MBNL1: variants seen among roughly 807,000 people sequenced by gnomAD.
MBNL1 encodes muscleblind like splicing regulator 1.
A neutral mutation model predicts 42.2 loss-of-function variants in MBNL1; 8 were observed. The ratio of observed to expected loss-of-function variants is 0.19; its 90% CI spans 0.11 to 0.34. The LOEUF (loss-of-function observed/expected upper bound fraction) is 0.34, where lower values mean the gene tolerates loss of function less well. Ranked by LOEUF, MBNL1 falls within the 10% of genes least tolerant of loss-of-function variation. The pLI is 1.00. For missense variants in MBNL1, 309 were observed against 495.3 expected, an observed-to-expected ratio of 0.62 and a Z score of 3.57; for synonymous variants, 169 against 173.9, an observed-to-expected ratio of 0.97 and a Z score of 0.22.
chr3:152,262,711 T>G (rs2036506290), intron 2 of MBNL1: 1 of 152,248 alleles, frequency 6.6e-6, no homozygotes, highest in South Asian at 2.1e-4. Context: ...ACATTTATAT[T>G]AAAAGCCCTA....
At chr3:152,419,579 C>T (rs539790247) in intron 3 of MBNL1, among the ~76,000 whole-genome samples, 2 of 152,290 alleles carry the variant, frequency 1.3e-5, no homozygotes, top group Admixed American at 6.5e-5. Context: ...CTTCGCAAAC[C>T]GCAGACTAGG....
chr3:152,352,709 A>G (rs1246911471), intron 2 of MBNL1, among the ~76,000 whole-genome samples: 3 of 152,158 alleles, frequency 2.0e-5, no homozygotes, highest in African/African-American at 7.2e-5. Context: ...GCTGTGGGAA[A>G]TGTCTCCGTT....
chr3:152,433,076 G>A (rs942735502), intron 4 of MBNL1, among the ~76,000 whole-genome samples, 156 bp downstream of exon 4: 1 of 152,122 alleles, frequency 6.6e-6, no homozygotes, highest in Non-Finnish European at 1.5e-5. Flanking sequence ...TATAGATAAT[G>A]CTGTATTTGA....
chr3:152,346,881 TA>T (rs35680881), intron 2 of MBNL1, among the ~76,000 whole-genome samples: 33,269 of 141,712 alleles, frequency 0.23, 4,744 homozygotes, highest in African/African-American at 0.43. Context: ...TCACTTTAAT[TA>T]AAAAAAAAAA....
intron 4 of MBNL1, among the ~76,000 whole-genome samples, chr3:152,436,843 A>G (rs2099084671): frequency 6.6e-6 from 1 of 152,186 alleles, no homozygotes; most frequent in Non-Finnish European, 1.5e-5. Context: ...AACTGCATCA[A>G]CTGTCATTTC....
intron 2 of MBNL1, among the ~76,000 whole-genome samples, chr3:152,257,633 A>G (rs2035639707): frequency 6.6e-6 from 1 of 152,194 alleles, no homozygotes; most frequent in African/African-American, 2.4e-5. Context: ...TAAAATTCTG[A>G]GTGTGTTTGT....
At chr3:152,335,981 C>T (rs2089765928) in intron 2 of MBNL1, among the ~76,000 whole-genome samples, 1 of 152,106 alleles carries the variant, frequency 6.6e-6, no homozygotes, top group African/African-American at 2.4e-5. Context: ...CCACATGTGG[C>T]ACTACCGGAC....
chr3:152,378,783 C>T (rs894461054), intron 2 of MBNL1, among the ~76,000 whole-genome samples: 2 of 152,186 alleles, frequency 1.3e-5, no homozygotes, highest in African/African-American at 4.8e-5. Context: ...ATGGTGCAAT[C>T]ATGGCTCACC....
At chr3:152,350,905 A>G (rs1464665894) in intron 2 of MBNL1, among the ~76,000 whole-genome samples, 3 of 152,116 alleles carry the variant, frequency 2.0e-5, no homozygotes, top group Non-Finnish European at 4.4e-5. Context: ...ATGTGTTCTA[A>G]TGTGTTTCGG....
At chr3:152,426,164 C>CA (rs200571626) in intron 3 of MBNL1, among the ~76,000 whole-genome samples, 1 of 98,634 alleles carries the variant, frequency 1.0e-5, no homozygotes, top group African/African-American at 3.9e-5. Context: ...CATGTGGGCA[C>CA]GGGGGGGGAA....
chr3:152,315,994 A>G (rs1471007869), intron 2 of MBNL1, among the ~76,000 whole-genome samples: 1 of 152,160 alleles, frequency 6.6e-6, no homozygotes, highest in East Asian at 1.9e-4. Context: ...AATAACTGTA[A>G]TATTAATAAA....
At chr3:152,258,515 C>T (rs1268972202) in intron 2 of MBNL1, among the ~76,000 whole-genome samples, 2 of 152,122 alleles carry the variant, frequency 1.3e-5, no homozygotes, top group African/African-American at 2.4e-5. Flanking sequence ...AGTTGGTTGT[C>T]AGGGGGAGGT....
chr3:152,304,730 A>G (rs892681668), intron 2 of MBNL1, among the ~76,000 whole-genome samples: 1 of 152,304 alleles, frequency 6.6e-6, no homozygotes, highest in African/African-American at 2.4e-5. Flanking sequence ...AAACTTCACA[A>G]CTTTGTAAAG....
chr3:152,280,082 A>G (rs1374895514), intron 1 of MBNL1, among the ~76,000 whole-genome samples: 1 of 152,160 alleles, frequency 6.6e-6, no homozygotes, highest in Non-Finnish European at 1.5e-5. Flanking sequence ...TTGGCTGCAA[A>G]AGAAAGCATC....
In MBNL1 at chr3:152,340,155, GAAC is replaced by G. The variant is rs376753585; in HGVS notation, c.174+39799_174+39801del. The G allele has an allele frequency of 4.5e-3, 781 of 171,926 alleles. 6 individuals are homozygous for G. The highest frequency in any genetic ancestry group is 9.3e-3 in the Admixed American group (154 of 16,496). 10.7% of individuals were successfully genotyped at this position (171,926 alleles called of 1,614,324 possible). ...ATTGTCTCTTCAAAGATAAAGAAAC[GAAC>G]AACAACAACAGTAAAAAACTGGGCA... On this transcript the variant is annotated intron_variant, in intron 2 of 9. Transcript: ENST00000324210.
In MBNL1 at chr3:152,325,087, GC is replaced by G. The variant is rs532842950; in HGVS notation, c.174+24729del. Among the ~76,000 whole-genome samples, 29 of 15,374 alleles carry G rather than the reference GC, an allele frequency of 1.9e-3. 6 individuals are homozygous for G. Among genetic ancestry groups the G allele is most frequent in the South Asian group, 6.8e-3 (3 of 440 alleles). 10.1% of individuals were successfully genotyped at this position (15,374 alleles called of 152,430 possible). On this transcript the variant is annotated intron_variant, in intron 2 of 9. Transcript: ENST00000324210. ...TGTTCCCATGTAATGCCACATACCC[GC>G]CCCCCCCCGCCCGCTTTTTTTTCAT...
chr3:152,447,018 A>G (rs1211840415), intron 5 of MBNL1, among the ~76,000 whole-genome samples: 6 of 152,208 alleles, frequency 3.9e-5, no homozygotes, highest in African/African-American at 1.2e-4. Context: ...TTCTGAAGAA[A>G]TAGTCGGAGG....
intron 1 of MBNL1, among the ~76,000 whole-genome samples, chr3:152,294,031 C>A (rs1391124165): frequency 3.3e-5 from 5 of 151,802 alleles, no homozygotes; most frequent in African/African-American, 1.2e-4. Flanking sequence ...TTATCCTTTT[C>A]TCGGTTTTTA....
intron 2 of MBNL1, among the ~76,000 whole-genome samples, chr3:152,374,862 T>C (rs565283733): frequency 2.6e-5 from 4 of 152,220 alleles, no homozygotes; most frequent in Non-Finnish European, 4.4e-5. Context: ...TGGAAGTAAT[T>C]ATTTTTCCCA....
Sources: allele counts gnomAD v4.1 joint callset (sites outside exome capture counted in the v4.1 genomes callset), GRCh38; gene constraint gnomAD v4.1.1; transcripts MANE v1.5; gene names NCBI Gene and HGNC (gene_info 2026-07-23, HGNC 2026-07-21).